SORCS1: variants seen among roughly 807,000 people sequenced by gnomAD.
The protein encoded by SORCS1 is VPS10 domain-containing receptor SorCS1.
SORCS1 carries 60 observed loss-of-function variants against 146.1 expected under a neutral mutation model. The observed-to-expected ratio is 0.41, with a 90% CI of 0.33 to 0.51. SORCS1 has a LOEUF of 0.51. Ranked by LOEUF, SORCS1 falls within the 20% of genes least tolerant of loss-of-function variation. The pLI is 0.21. For synonymous variants in SORCS1, 637 were observed against 584.0 expected, an observed-to-expected ratio of 1.09 and a Z score of -1.31; for missense variants, 1,352 against 1,487.6, an observed-to-expected ratio of 0.91 and a Z score of 1.50.
At chr10:106,927,364 C>T (rs1953105715) in intron 2 of SORCS1, among the ~76,000 whole-genome samples, 2 of 151,704 alleles carry the variant, frequency 1.3e-5, no homozygotes, top group African/African-American at 4.8e-5. Context: ...TGGAGTTGTT[C>T]CTTCCTCCCG....
intron 18 of SORCS1, among the ~76,000 whole-genome samples, chr10:106,647,742 C>G (rs987441084): frequency 6.6e-6 from 1 of 152,142 alleles, no homozygotes; most frequent in Admixed American, 6.5e-5. Flanking sequence ...TGTGGTATGA[C>G]TTTTTTCACA....
intron 1 of SORCS1, among the ~76,000 whole-genome samples, chr10:106,994,468 G>C (rs928178319): frequency 6.6e-6 from 1 of 152,192 alleles, no homozygotes; most frequent in Non-Finnish European, 1.5e-5. Flanking sequence ...GGATGGCATA[G>C]ACACAAATAT....
chr10:106,720,075 C>G (rs983596300), intron 6 of SORCS1, among the ~76,000 whole-genome samples: 1 of 152,202 alleles, frequency 6.6e-6, no homozygotes, highest in Non-Finnish European at 1.5e-5. Flanking sequence ...TGATCACTCT[C>G]TATTCTCCCT....
At chr10:106,855,928 G>C (rs982917815) in intron 2 of SORCS1, among the ~76,000 whole-genome samples, 13 of 152,206 alleles carry the variant, frequency 8.5e-5, no homozygotes, top group Admixed American at 7.2e-4. Flanking sequence ...CTCTTAGAAT[G>C]CCTGAACAGC....
At chr10:106,648,054 T>G (rs2133734542) in intron 18 of SORCS1, among the ~76,000 whole-genome samples, 1 of 152,118 alleles carries the variant, frequency 6.6e-6, no homozygotes, top group South Asian at 2.1e-4. Flanking sequence ...TTATTTTTAT[T>G]TTTTTGGTAG....
chr10:106,769,982 A>C (rs542031850), intron 4 of SORCS1, among the ~76,000 whole-genome samples: 2 of 152,312 alleles, frequency 1.3e-5, no homozygotes, highest in East Asian at 1.9e-4. Flanking sequence ...AATCCCAGCT[A>C]TGCGGGAAGC....
chr10:106,967,965 G>C (rs1243702041), intron 1 of SORCS1, among the ~76,000 whole-genome samples: 1 of 151,762 alleles, frequency 6.6e-6, no homozygotes, highest in Non-Finnish European at 1.5e-5. Context: ...AGCGCTTTGG[G>C]AGGCCGAGGC....
At chr10:106,870,189 G>T (rs1225623849) in intron 2 of SORCS1, among the ~76,000 whole-genome samples, 1 of 152,028 alleles carries the variant, frequency 6.6e-6, no homozygotes, top group African/African-American at 2.4e-5. Flanking sequence ...AAAGAAATCA[G>T]AAAAGACACA....
At chr10:106,879,016 G>C (rs985139602) in intron 2 of SORCS1, among the ~76,000 whole-genome samples, 1 of 151,898 alleles carries the variant, frequency 6.6e-6, no homozygotes, top group Non-Finnish European at 1.5e-5. Flanking sequence ...CGGACATGGT[G>C]GTGGGCGCCT....
intron 10 of SORCS1, among the ~76,000 whole-genome samples, chr10:106,685,698 G>A (rs1232901376): frequency 1.3e-5 from 2 of 151,826 alleles, no homozygotes; most frequent in African/African-American, 4.8e-5. Context: ...AGGGGAGGAG[G>A]GAGAGGCTGG....
intron 1 of SORCS1, among the ~76,000 whole-genome samples, chr10:107,052,968 C>T (rs1369938306): frequency 6.6e-6 from 1 of 152,152 alleles, no homozygotes; most frequent in East Asian, 1.9e-4. Context: ...CCATGTAGCT[C>T]GCTATTACTT....
At chr10:107,077,036 ACT>A (rs1962945349) in intron 1 of SORCS1, among the ~76,000 whole-genome samples, 1 of 151,976 alleles carries the variant, frequency 6.6e-6, no homozygotes, top group Non-Finnish European at 1.5e-5. Flanking sequence ...ACTTCTAATG[ACT>A]CTACCTCGGA....
chr10:107,033,099 G>A (rs185227757), intron 1 of SORCS1, among the ~76,000 whole-genome samples: 83 of 152,272 alleles, frequency 5.5e-4, no homozygotes, highest in Admixed American at 3.7e-3. Context: ...GGGCTGGTTG[G>A]GGAGGCCTCA....
At chr10:106,658,777 C>T (rs11193004) in intron 17 of SORCS1, among the ~76,000 whole-genome samples, 1,959 of 152,252 alleles carry the variant, frequency 0.013, 47 homozygotes, top group African/African-American at 0.045. Flanking sequence ...CATGAAGATA[C>T]AGGGCTACGA....
At chr10:106,995,352 A>G (rs1956949546) in intron 1 of SORCS1, among the ~76,000 whole-genome samples, 3 of 151,906 alleles carry the variant, frequency 2.0e-5, no homozygotes, top group Admixed American at 2.0e-4. Context: ...AACAGAGAAT[A>G]GAAGAACAGC....
intron 3 of SORCS1, among the ~76,000 whole-genome samples, chr10:106,811,174 A>G (rs372958708): frequency 2.0e-4 from 30 of 151,962 alleles, no homozygotes; most frequent in African/African-American, 6.5e-4. Context: ...TTCTGACCTC[A>G]TGATCCACCC....
intron 17 of SORCS1, among the ~76,000 whole-genome samples, chr10:106,666,435 C>A (rs546236189): frequency 6.6e-6 from 1 of 152,154 alleles, no homozygotes; most frequent in East Asian, 1.9e-4. Context: ...CCTTCAGATT[C>A]GAACTACAAC....
At chr10:106,830,185 T>C (rs1338536002) in intron 2 of SORCS1, among the ~76,000 whole-genome samples, 1 of 152,204 alleles carries the variant, frequency 6.6e-6, no homozygotes, top group Non-Finnish European at 1.5e-5. Context: ...CAGTGAGATT[T>C]CATGAATTTC....
intron 20 of SORCS1, among the ~76,000 whole-genome samples, chr10:106,618,715 T>G (rs1196836033): frequency 1.3e-5 from 2 of 152,144 alleles, no homozygotes; most frequent in African/African-American, 2.4e-5. Flanking sequence ...GGGTGTACGA[T>G]TTCTGTAGAA....
Sources: gnomAD v4.1 joint callset for allele counts (sites outside exome capture counted in the v4.1 genomes callset) on GRCh38, gnomAD v4.1.1 for gene constraint, MANE v1.5 for transcripts, NCBI Gene and HGNC (gene_info 2026-07-23, HGNC 2026-07-21) for gene names.